The following RSRP1 variants were observed in gnomAD, a reference collection of about 807,000 sequenced individuals.
RSRP1 encodes the protein arginine/serine-rich protein 1.
RSRP1 carries 37 observed loss-of-function variants against 33.0 expected under a neutral mutation model. The ratio of observed to expected loss-of-function variants is 1.12; its 90% CI spans 0.86 to 1.48. The LOEUF (loss-of-function observed/expected upper bound fraction) is 1.48, where lower values mean the gene tolerates loss of function less well. Among genes scored for constraint, RSRP1 ranks in the 40% most tolerant of loss-of-function variants. The pLI is 0.00. For missense variants in RSRP1, 402 were observed against 385.3 expected, an observed-to-expected ratio of 1.04 and a Z score of -0.36; for synonymous variants, 167 against 158.7, an observed-to-expected ratio of 1.05 and a Z score of -0.40.
chr1:25,288,476 G>A lies in RSRP1; in HGVS notation c.-66-41447C>T, dbSNP rs1275048652. Among the ~76,000 whole-genome samples, 2 of 127,540 alleles carry A rather than the reference G, an allele frequency of 1.6e-5. 1 individual carries two copies. The highest frequency in any genetic ancestry group is 3.7e-5 in the Non-Finnish European group (2 of 54,070). The allele number at this position is 127,540 out of a possible 152,430, so 83.7% of individuals were successfully genotyped here. On this transcript the variant is annotated intron_variant, in intron 1 of 1. Transcript: ENST00000561867. ...ATTACAGGTGTGAGCCACCATTCCT[G>A]GCCTTAAAAGTGTGATATTTTTAAT...
chr1:25,280,785 AT>A (rs1641429502), intron 1 of RSRP1, among the ~76,000 whole-genome samples: 1 of 129,994 alleles, frequency 7.7e-6, no homozygotes, highest in Admixed American at 7.5e-5. Context: ...GTAATTTTGT[AT>A]TTTTTGTAGA....
Position 25,246,739 on chromosome 1 carries a change from C to G in RSRP1, c.225G>C (p.Arg75Ser). 6.2e-7 allele frequency: 1 copy of G among 1,609,514 alleles called. No individual in the cohort carries two copies. Among genetic ancestry groups the G allele is most frequent in the Non-Finnish European group, 8.5e-7 (1 of 1,176,826 alleles). The change falls in exon 2 of 5, where the codon AGG (arginine) becomes AGC (serine). Residue 75 changes from arginine (R) to serine (S), a missense_variant. By Grantham distance (110) the Arg-to-Ser change is moderately radical (BLOSUM62 -1). Transcript: ENST00000243189. ...TCCGCGAGTATGACCGCGAGTAGCG[C>G]CTGTACTTCCGCTGGTGGCGCCTTC... ...RSRRRHQRKY[R>S]RYSRSYSRSR...
chr1:25,305,968 G>C lies in RSRP1; in HGVS notation c.-67+32010C>G, dbSNP rs1246469234. ...AACCAGCCTGATTGAATTTGCATAT[G>C]TGTCCACATCTGCTGGCTCACGGCT... On this transcript the variant is annotated intron_variant, in intron 1 of 1. Transcript: ENST00000561867. Among the ~76,000 whole-genome samples, 2 of 132,144 alleles carry C rather than the reference G, an allele frequency of 1.5e-5. 1 individual carries two copies. The highest frequency in any genetic ancestry group is 3.6e-5 in the Non-Finnish European group (2 of 56,054). The allele number at this position is 132,144 out of a possible 152,430, so 86.7% of individuals were successfully genotyped here.
chr1:25,255,295 C>T (rs1486227175), intron 1 of RSRP1, among the ~76,000 whole-genome samples: 2 of 152,194 alleles, frequency 1.3e-5, no homozygotes, highest in African/African-American at 4.8e-5. Context: ...CCCCCAAATC[C>T]TTTCACGGCC....
intron 1 of RSRP1, among the ~76,000 whole-genome samples, chr1:25,260,572 T>C (rs1397923394): frequency 6.6e-6 from 1 of 152,218 alleles, no homozygotes; most frequent in African/African-American, 2.4e-5. Flanking sequence ...TCCTTAAGTG[T>C]TGTATTAGTC....
chr1:25,297,401 A>G (rs1327133306), intron 1 of RSRP1, among the ~76,000 whole-genome samples: 1 of 102,578 alleles, frequency 9.7e-6, no homozygotes, highest in Non-Finnish European at 2.3e-5. Context: ...CTTCCACTGC[A>G]AAGTTACTAT....
In RSRP1 at chr1:25,242,551, G is replaced by C; in HGVS notation, c.*38C>G. ...TAGAAACACTAACTTGCAATAAAGTGCAGTTTTCATGCAAACTTAGCCATC... is the reference window on the plus strand; with the variant it reads ...TAGAAACACTAACTTGCAATAAAGTCCAGTTTTCATGCAAACTTAGCCATC... On this transcript the variant is annotated 3_prime_UTR_variant, in exon 5 of 5. Transcript: ENST00000243189. 8.0e-7 allele frequency: 1 copy of C among 1,249,130 alleles called. No individual in the cohort carries two copies. The highest frequency in any genetic ancestry group is 1.2e-6 in the Non-Finnish European group (1 of 861,934). 77.4% of individuals were successfully genotyped at this position (1,249,130 alleles called of 1,614,324 possible). A position where few individuals can be genotyped will look rare whatever the true frequency, so the allele number is the denominator to read the frequency against.
rs551468218 is a variant in RSRP1 at position 25,316,382 on chromosome 1, G to A, written c.-67+21596C>T. ...TGTCTGTAATCCCAGCACTTTGGGA[G>A]GCCGAGGCGGGCAGATCACTTGAGG... is the stretch of plus-strand genomic sequence containing the variant. On this transcript the variant is annotated intron_variant, in intron 1 of 1. Transcript: ENST00000561867. Among the ~76,000 whole-genome samples, 45 of 129,622 alleles carry A rather than the reference G, an allele frequency of 3.5e-4. 3 individuals are homozygous for A. The highest frequency in any genetic ancestry group is 1.1e-3 in the African/African-American group (40 of 37,652). The allele number at this position is 129,622 out of a possible 152,430, so 85.0% of individuals were successfully genotyped here.
At position 25,284,248 on chromosome 1, in the gene RSRP1, G is replaced by A. The variant is rs41310403; in HGVS notation, c.-66-37219C>T. Among the ~76,000 whole-genome samples, 81 of 136,168 alleles carry A rather than the reference G, an allele frequency of 5.9e-4. 7 individuals carry two copies. The highest frequency in any genetic ancestry group is 1.9e-3 in the African/African-American group (75 of 39,812). 89.3% of individuals were successfully genotyped at this position (136,168 alleles called of 152,430 possible). On this transcript the variant is annotated intron_variant, in intron 1 of 1. Coordinates refer to the RSRP1 transcript ENST00000561867. ...GTGTCCATGTGCGTCAAGCACGTGT[G>A]CTTTACACTTGTTCTTATTATTAGG...
intron 1 of RSRP1, among the ~76,000 whole-genome samples, chr1:25,259,985 G>A (rs891618512): frequency 9.2e-5 from 14 of 151,832 alleles, no homozygotes; most frequent in African/African-American, 2.9e-4. Context: ...ACAGCTCTCT[G>A]TGCACTGATT....
At chr1:25,245,035 C>T (rs1166124470) in intron 3 of RSRP1, 115 bp downstream of exon 3, 19 of 1,586,986 alleles carry the variant, frequency 1.2e-5, no homozygotes, top group Non-Finnish European at 1.5e-5. Context: ...TTGAATTTAG[C>T]ACATTATATA....
At chr1:25,331,999 C>T (rs1384817945) in intron 1 of RSRP1, among the ~76,000 whole-genome samples, 2 of 125,266 alleles carry the variant, frequency 1.6e-5, no homozygotes, top group South Asian at 4.8e-4. Flanking sequence ...CTCAGCCTCC[C>T]AAAGTGCTGG....
rs1449006018 is a variant in RSRP1, at chr1:25,270,183, T to A, written c.-66-23154A>T. On this transcript the variant is annotated intron_variant, in intron 1 of 1. Transcript: ENST00000561867. ...AACCAGGAGGCAATTGTGAGAGGAA[T>A]GGAGACTTCTGACCTCTGGGGATTG... is the stretch of plus-strand genomic sequence containing the variant. 8.3e-5 allele frequency among the ~76,000 whole-genome samples: 11 copies of A among 131,740 alleles called. 4 individuals are homozygous for A. Among genetic ancestry groups the A allele is most frequent in the Non-Finnish European group, 2.0e-4 (11 of 55,550 alleles). 86.4% of individuals were successfully genotyped at this position (131,740 alleles called of 152,430 possible). A position where few individuals can be genotyped will look rare whatever the true frequency, so the allele number is the denominator to read the frequency against.
At chr1:25,269,694 A>T (rs1294584177) in intron 1 of RSRP1, among the ~76,000 whole-genome samples, 3 of 133,270 alleles carry the variant, frequency 2.3e-5, no homozygotes, top group African/African-American at 7.7e-5. Context: ...GGGGCCTTTT[A>T]TAAGAGTCAG....
In RSRP1 at chr1:25,242,581, T is replaced by C. The variant is rs1389809011; in HGVS notation, c.*8A>G. ...TTTCATGCAAACTTAGCCATCAGTT[T>C]TCTTCTTTTAGATAGGTATCCACAG... On this transcript the variant is annotated 3_prime_UTR_variant, in exon 5 of 5. Coordinates refer to ENST00000243189, the MANE Select transcript of RSRP1 (RefSeq NM_020317.5). The C allele has an allele frequency of 6.5e-7, 1 of 1,534,024 alleles. No homozygotes were observed. The highest frequency in any genetic ancestry group is 1.2e-5 in the South Asian group (1 of 85,836).
chr1:25,271,650 A>G lies in RSRP1; in HGVS notation c.-66-24621T>C, dbSNP rs955549572. Among the ~76,000 whole-genome samples, 18 of 132,602 alleles carry G rather than the reference A, an allele frequency of 1.4e-4. 2 individuals carry two copies. The highest frequency in any genetic ancestry group is 4.4e-4 in the African/African-American group (17 of 38,900). 87.0% of individuals were successfully genotyped at this position (132,602 alleles called of 152,430 possible). A position where few individuals can be genotyped will look rare whatever the true frequency, so the allele number is the denominator to read the frequency against. On this transcript the variant is annotated intron_variant, in intron 1 of 1. Coordinates refer to the RSRP1 transcript ENST00000561867. ...CTGCCAGGCACATGGATGGGAGCAC[A>G]GGGGAAGTTGGCTGCAGGGTTAGAA...
chr1:25,246,101 G>A (rs935669132), intron 2 of RSRP1: 5 of 243,802 alleles, frequency 2.1e-5, no homozygotes, highest in Non-Finnish European at 4.0e-5. Context: ...CAGTAATAAT[G>A]TCAACTAAAA....
At chr1:25,244,122 T>G in intron 3 of RSRP1, 2 of 1,282,594 alleles carry the variant, frequency 1.6e-6, no homozygotes, top group Non-Finnish European at 2.0e-6. Flanking sequence ...GAGTGAAAAG[T>G]ACAGTGCAAT....
rs60714996 is a variant in RSRP1, at chr1:25,285,291, C to T, written c.-66-38262G>A. On this transcript the variant is annotated intron_variant, in intron 1 of 1. Transcript: ENST00000561867. ...CTGGGATTACAGGCATGTGCCACCG[C>T]GCCTGGCTGATTTTGTATTTTTAGT... Among the ~76,000 whole-genome samples, 35 of 133,948 alleles carry T rather than the reference C, an allele frequency of 2.6e-4. 6 individuals carry two copies. The highest frequency in any genetic ancestry group is 8.6e-4 in the African/African-American group (33 of 38,560). The allele number at this position is 133,948 out of a possible 152,430, so 87.9% of individuals were successfully genotyped here. A position where few individuals can be genotyped will look rare whatever the true frequency, so the allele number is the denominator to read the frequency against.
Sources: allele counts gnomAD v4.1 joint callset (sites outside exome capture counted in the v4.1 genomes callset), GRCh38; gene constraint gnomAD v4.1.1; transcripts MANE v1.5; gene names NCBI Gene and HGNC (gene_info 2026-07-23, HGNC 2026-07-21).